TPRG1: variants seen among roughly 807,000 people sequenced by gnomAD.
TPRG1 encodes the protein tumor protein p63 regulated 1, also known as tumor protein p63-regulated gene 1 protein.
Under a neutral mutation model 29.3 loss-of-function variants are expected in TPRG1, and 29 were observed. The observed-to-expected ratio is 0.99, with a 90% CI of 0.74 to 1.35. TPRG1 has a LOEUF of 1.35. Among genes scored for constraint, TPRG1 ranks in the 40% most tolerant of loss-of-function variants. The probability of loss-of-function intolerance (pLI) is 0.00; values close to 1 mark genes in which losing one functional copy is unlikely to be tolerated. For missense variants in TPRG1, 327 were observed against 335.0 expected (o/e 0.98, Z 0.19); for synonymous variants, 130 against 116.8 (o/e 1.11, Z -0.73).
chr3:189,302,389 A>G (rs562670877), intron 4 of TPRG1, among the ~76,000 whole-genome samples: 41 of 152,310 alleles, frequency 2.7e-4, no homozygotes, highest in African/African-American at 9.1e-4. Context: ...GAGGATTTCT[A>G]TGAAGGATTT....
At chr3:189,320,527 G>A (rs1207326791) in intron 5 of TPRG1, 99 bp from the exon 6 acceptor site, 4 of 966,484 alleles carry the variant, frequency 4.1e-6, no homozygotes, top group Non-Finnish European at 6.0e-6. Flanking sequence ...TGCAGCCCCA[G>A]GAGAGTAGTC....
intron 5 of TPRG1, among the ~76,000 whole-genome samples, chr3:189,157,575 C>T (rs1726860745): frequency 6.6e-6 from 1 of 152,138 alleles, no homozygotes; most frequent in South Asian, 2.1e-4. Flanking sequence ...TCTGGTTTGC[C>T]TAATGATGCT....
chr3:189,017,426 G>A (rs1291572040), intron 3 of TPRG1, among the ~76,000 whole-genome samples: 1 of 151,816 alleles, frequency 6.6e-6, no homozygotes, highest in Non-Finnish European at 1.5e-5. Flanking sequence ...TCCCCTTCCT[G>A]TGTCCATGTG....
At chr3:189,117,811 C>A (rs1284140464) in intron 1 of TPRG1, among the ~76,000 whole-genome samples, 4 of 152,218 alleles carry the variant, frequency 2.6e-5, no homozygotes, top group Non-Finnish European at 4.4e-5. Flanking sequence ...GAGGCCTCCC[C>A]AGCCATGTGA....
intron 4 of TPRG1, among the ~76,000 whole-genome samples, chr3:189,253,326 C>G (rs979380450): frequency 5.3e-5 from 8 of 152,128 alleles, no homozygotes; most frequent in African/African-American, 1.9e-4. Flanking sequence ...TGGGAGTTCT[C>G]ATATGAACTC....
In TPRG1 at chr3:189,094,626, C is replaced by T. The variant is rs1428240281; in HGVS notation, c.-462-32431C>T. On this transcript the variant is annotated intron_variant, in intron 4 of 10. Coordinates refer to the TPRG1 transcript ENST00000433971. ...AATTTGCGTCATTTGTTCTGACTCA[C>T]GCAGCTGTTTGAATTATAGCACTCA... 2.6e-5 allele frequency among the ~76,000 whole-genome samples: 4 copies of T among 152,162 alleles called. No individual in the cohort carries two copies. The South Asian group carries it at 6.2e-4, about 24-fold the overall frequency.
intron 3 of TPRG1, among the ~76,000 whole-genome samples, chr3:189,136,333 G>C (rs971419252): frequency 4.6e-5 from 7 of 152,104 alleles, no homozygotes; most frequent in South Asian, 2.1e-4. Context: ...GGGGACTTCT[G>C]GGGGTGGAGA....
intron 1 of TPRG1, among the ~76,000 whole-genome samples, chr3:189,177,593 G>A (rs17479914): frequency 0.022 from 3,364 of 151,690 alleles, 63 homozygotes; most frequent in South Asian, 0.038. Context: ...AGTTAGTATC[G>A]ATAGAAAAGA....
chr3:189,207,506 T>A lies in TPRG1; in HGVS notation c.122T>A (p.Ile41Asn). The change falls in exon 2 of 6, where the codon ATT becomes AAT. Residue 41 changes from isoleucine to asparagine, a missense_variant. By Grantham distance (149) the Ile-to-Asn change is moderately radical (BLOSUM62 -3). Coordinates refer to ENST00000345063, the MANE Select transcript of TPRG1 (RefSeq NM_198485.4). ...GAAGAGGACCCGATGCCAAGACAGA[T>A]TTCAAGGCAGTCAAGTGTGACCGAA... ...MEEEDPMPRQ[I>N]SRQSSVTEST... The A allele has an allele frequency of 6.2e-7, 1 of 1,613,986 alleles. No homozygotes were observed. Among genetic ancestry groups the A allele is most frequent in the South Asian group, 1.1e-5 (1 of 91,082 alleles).
chr3:189,302,027 A>G (rs1289574646), intron 4 of TPRG1, among the ~76,000 whole-genome samples: 1 of 152,162 alleles, frequency 6.6e-6, no homozygotes, highest in African/African-American at 2.4e-5. Context: ...AGTCACCACA[A>G]ATATACAAAT....
chr3:189,153,307 A>C (rs1255024004), intron 5 of TPRG1, among the ~76,000 whole-genome samples: 1 of 152,224 alleles, frequency 6.6e-6, no homozygotes, highest in Non-Finnish European at 1.5e-5. Flanking sequence ...AGAACCTGAG[A>C]AGGAATTTGG....
At chr3:189,257,414 C>A (rs1272776083) in intron 4 of TPRG1, among the ~76,000 whole-genome samples, 1 of 152,100 alleles carries the variant, frequency 6.6e-6, no homozygotes, top group African/African-American at 2.4e-5. Context: ...GTAATCTGAC[C>A]TTTCTCTCTG....
intron 3 of TPRG1, among the ~76,000 whole-genome samples, chr3:189,224,311 C>A (rs1308721807): frequency 6.6e-6 from 1 of 152,026 alleles, no homozygotes; most frequent in Non-Finnish European, 1.5e-5. Flanking sequence ...TGAAACCCTG[C>A]CCCTACTGAA....
intron 1 of TPRG1, among the ~76,000 whole-genome samples, chr3:189,110,015 T>C (rs1057363001): frequency 6.6e-6 from 1 of 152,232 alleles, no homozygotes; most frequent in African/African-American, 2.4e-5. Context: ...TAGTATTTAA[T>C]TGTATGTATG....
intron 4 of TPRG1, among the ~76,000 whole-genome samples, chr3:189,035,266 C>A (rs1168329643): frequency 6.6e-6 from 1 of 152,134 alleles, no homozygotes; most frequent in African/African-American, 2.4e-5. Flanking sequence ...CCCTACCTTT[C>A]ACCATATACA....
chr3:189,185,401 T>C (rs546816207), intron 1 of TPRG1, among the ~76,000 whole-genome samples: 3 of 152,192 alleles, frequency 2.0e-5, no homozygotes, highest in East Asian at 3.9e-4. Context: ...ATTTTTGAAA[T>C]TTTTTGTAGA....
chr3:189,237,897 C>T (rs542131468), intron 3 of TPRG1, among the ~76,000 whole-genome samples: 3 of 152,218 alleles, frequency 2.0e-5, no homozygotes, highest in South Asian at 4.1e-4. Flanking sequence ...GTGTAAGTCT[C>T]GAAGTGCTGT....
chr3:189,294,802 T>TCACACACACACA lies in TPRG1; in HGVS notation c.480-15584_480-15583insCACACACACACA, dbSNP rs577519611. Among the ~76,000 whole-genome samples, 498 of 131,512 alleles carry TCACACACACACA rather than the reference T, an allele frequency of 3.8e-3. 5 individuals are homozygous for TCACACACACACA. In the South Asian group the frequency reaches 0.048, roughly 13 times the overall value. 86.3% of individuals were successfully genotyped at this position (131,512 alleles called of 152,430 possible). A position where few individuals can be genotyped will look rare whatever the true frequency, so the allele number is the denominator to read the frequency against. ...ACCTTTAATTACACAACCCTTACAG[T>TCACACACACACA]TACACACACACACACACACACACAC... On this transcript the variant is annotated intron_variant, in intron 4 of 5. Coordinates refer to ENST00000345063, the MANE Select transcript of TPRG1 (RefSeq NM_198485.4).
At chr3:189,011,895 T>C (rs528244400) in intron 3 of TPRG1, among the ~76,000 whole-genome samples, 1 of 152,316 alleles carries the variant, frequency 6.6e-6, no homozygotes, top group South Asian at 2.1e-4. Context: ...TTTGTAGCAA[T>C]TGTGAATGGG....
Sources: allele counts gnomAD v4.1 joint callset (sites outside exome capture counted in the v4.1 genomes callset), GRCh38; gene constraint gnomAD v4.1.1; transcripts MANE v1.5; gene names NCBI Gene and HGNC (gene_info 2026-07-23, HGNC 2026-07-21).